ABCC4: variants seen among roughly 807,000 people sequenced by gnomAD.
ABCC4 encodes ATP-binding cassette sub-family C member 4.
Under a neutral mutation model 168.5 loss-of-function variants are expected in ABCC4, and 102 were observed. That is an observed-to-expected ratio of 0.61 (90% CI 0.52 to 0.71). The LOEUF (loss-of-function observed/expected upper bound fraction) is 0.71, where lower values mean the gene tolerates loss of function less well. ABCC4 is among the 30% of genes least tolerant of loss of function. ABCC4 has a pLI of 0.00. For missense variants in ABCC4, 1,402 were observed against 1,605.8 expected (o/e 0.87, Z 2.17); for synonymous variants, 617 against 590.7 (o/e 1.04, Z -0.65).
At chr13:95,189,562 G>C (rs1166232214) in intron 9 of ABCC4, among the ~76,000 whole-genome samples, 1 of 152,116 alleles carries the variant, frequency 6.6e-6, no homozygotes, top group Non-Finnish European at 1.5e-5. Context: ...CTTGGCTAAT[G>C]GATGACTTGA....
At chr13:95,150,523 T>G (rs545862495) in intron 19 of ABCC4, among the ~76,000 whole-genome samples, 1 of 151,472 alleles carries the variant, frequency 6.6e-6, no homozygotes, top group African/African-American at 2.4e-5. Flanking sequence ...GGCCTCAAAA[T>G]GTACTTTGAA....
chr13:95,099,999 C>T (rs2034741767), intron 20 of ABCC4, among the ~76,000 whole-genome samples: 1 of 152,110 alleles, frequency 6.6e-6, no homozygotes, highest in Non-Finnish European at 1.5e-5. Flanking sequence ...CAAGAAAACT[C>T]AGTAGGTATA....
At chr13:95,095,580 T>C (rs1291311724) in intron 20 of ABCC4, among the ~76,000 whole-genome samples, 1 of 152,050 alleles carries the variant, frequency 6.6e-6, no homozygotes, top group Non-Finnish European at 1.5e-5. Flanking sequence ...ACTACAAATA[T>C]GGTGCAGTGT....
In ABCC4 at chr13:95,268,847, G is replaced by A. The variant is rs529513297; in HGVS notation, c.75-21094C>T. Among the ~76,000 whole-genome samples the A allele has an allele frequency of 2.0e-4, 30 of 152,040 alleles. No homozygotes were observed. In the South Asian group the frequency reaches 4.2e-3, roughly 21 times the overall value. ...GAACTCAGAGACCGGTGCCTGGGGC[G>A]CGGGTCCTGGCGCGGGTTCTCCGTA... On this transcript the variant is annotated intron_variant, in intron 1 of 30. Coordinates refer to ENST00000645237, the MANE Select transcript of ABCC4 (RefSeq NM_005845.5).
intron 1 of ABCC4, among the ~76,000 whole-genome samples, chr13:95,288,885 A>G (rs1323149884): frequency 1.3e-5 from 2 of 152,234 alleles, no homozygotes; most frequent in African/African-American, 4.8e-5. Flanking sequence ...TTAAGAATGT[A>G]TTATGTTTTA....
At chr13:95,241,712 T>C (rs2039948679) in intron 3 of ABCC4, among the ~76,000 whole-genome samples, 1 of 152,186 alleles carries the variant, frequency 6.6e-6, no homozygotes, top group South Asian at 2.1e-4. Flanking sequence ...CTGGGCATTA[T>C]AATCATTCCT....
intron 20 of ABCC4, among the ~76,000 whole-genome samples, chr13:95,085,297 G>C (rs1374014274): frequency 6.6e-6 from 1 of 151,910 alleles, no homozygotes. Context: ...AAAAATAGCC[G>C]GGTGTGGTGC....
intron 19 of ABCC4, among the ~76,000 whole-genome samples, chr13:95,129,030 T>C (rs1018640358): frequency 4.6e-5 from 7 of 152,208 alleles, no homozygotes; most frequent in Admixed American, 1.3e-4. Flanking sequence ...TCACTAATGC[T>C]GTCATTTTTT....
intron 30 of ABCC4, among the ~76,000 whole-genome samples, chr13:95,025,234 CATA>C (rs2031386618): frequency 2.8e-5 from 1 of 35,772 alleles, no homozygotes; most frequent in Non-Finnish European, 5.4e-5. Flanking sequence ...CACACACACC[CATA>C]CACACACACC....
At chr13:95,070,324 A>G (rs2033682784) in intron 25 of ABCC4, among the ~76,000 whole-genome samples, 1 of 152,196 alleles carries the variant, frequency 6.6e-6, no homozygotes, top group Non-Finnish European at 1.5e-5. Context: ...AAGGGTGCAC[A>G]CTAAGAGCAA....
At chr13:95,232,187 T>TAC (rs144109589) in intron 4 of ABCC4, among the ~76,000 whole-genome samples, 6,529 of 151,870 alleles carry the variant, frequency 0.043, 211 homozygotes, top group Admixed American at 0.08. Context: ...GACTAGTGTG[T>TAC]ACAAGCCTTG....
intron 30 of ABCC4, among the ~76,000 whole-genome samples, chr13:95,032,451 GC>G (rs1388147288): frequency 6.6e-6 from 1 of 152,134 alleles, no homozygotes; most frequent in African/African-American, 2.4e-5. Flanking sequence ...ATTTGTTAGT[GC>G]CCAGCGTAAT....
chr13:95,020,254 T>C lies in ABCC4; in HGVS notation c.*1321A>G, dbSNP rs1429131890. 3 of 152,236 alleles carry C rather than the reference T, an allele frequency of 2.0e-5. No homozygotes were observed. The highest frequency in any genetic ancestry group is 6.5e-5 in the Admixed American group (1 of 15,286). 9.4% of individuals were successfully genotyped at this position (152,236 alleles called of 1,614,324 possible). On this transcript the variant is annotated 3_prime_UTR_variant, in exon 31 of 31. Transcript: ENST00000645237. ...ACTTGCTATACGAAGGACAAATATA[T>C]GTATACAAACAAATGCACACGTGTG...
intron 27 of ABCC4, among the ~76,000 whole-genome samples, chr13:95,052,019 C>T (rs1040939425): frequency 2.7e-5 from 4 of 150,290 alleles, no homozygotes; most frequent in South Asian, 2.1e-4. Flanking sequence ...CTTGCTCTGT[C>T]GCCCAGATGG....
intron 26 of ABCC4, among the ~76,000 whole-genome samples, chr13:95,059,500 A>G (rs890148366): frequency 1.3e-5 from 2 of 152,194 alleles, no homozygotes; most frequent in African/African-American, 4.8e-5. Flanking sequence ...GCGAAATGCA[A>G]AGCATTAGAG....
intron 29 of ABCC4, among the ~76,000 whole-genome samples, chr13:95,042,670 G>A (rs1042769730): frequency 3.9e-5 from 6 of 152,186 alleles, no homozygotes; most frequent in South Asian, 2.1e-4. Context: ...TGGTAACAGC[G>A]CTGATGGATC....
At chr13:95,227,062 A>G (rs993044424) in intron 4 of ABCC4, among the ~76,000 whole-genome samples, 23 of 152,358 alleles carry the variant, frequency 1.5e-4, no homozygotes, top group African/African-American at 4.6e-4. Context: ...TGAATACAAC[A>G]GAGAGCAGTT....
chr13:95,076,392 A>T (rs1345820224), intron 21 of ABCC4, among the ~76,000 whole-genome samples: 2 of 152,008 alleles, frequency 1.3e-5, no homozygotes. Context: ...CAGAATTTTA[A>T]GAAGTGAATT....
At chr13:95,253,640 G>A (rs1435663752) in intron 1 of ABCC4, among the ~76,000 whole-genome samples, 1 of 151,956 alleles carries the variant, frequency 6.6e-6, no homozygotes, top group African/African-American at 2.4e-5. Flanking sequence ...AGCTACTCGG[G>A]AGGCTGAGGT....
Sources: allele counts gnomAD v4.1 joint callset (sites outside exome capture counted in the v4.1 genomes callset), GRCh38; gene constraint gnomAD v4.1.1; transcripts MANE v1.5; gene names NCBI Gene and HGNC (gene_info 2026-07-23, HGNC 2026-07-21).